The following RASEF variants were observed in gnomAD, a reference collection of about 807,000 sequenced individuals.
RASEF encodes ras and EF-hand domain-containing protein.
Under a neutral mutation model 90.1 loss-of-function variants are expected in RASEF, and 68 were observed. The ratio of observed to expected loss-of-function variants is 0.75; its 90% CI spans 0.62 to 0.92. RASEF has a LOEUF of 0.92. Ranked by LOEUF, RASEF falls within the 40% of genes least tolerant of loss-of-function variation. The pLI is 0.00. For synonymous variants in RASEF, 331 were observed against 345.2 expected, an observed-to-expected ratio of 0.96 and a Z score of 0.46; for missense variants, 949 against 937.2, an observed-to-expected ratio of 1.01 and a Z score of -0.16.
the RASEF span, among the ~76,000 whole-genome samples, chr9:83,083,938 T>C: frequency 5.2e-3 from 790 of 152,328 alleles, 5 homozygotes; most frequent in Non-Finnish European, 7.6e-3. Context: ...ACAAGGATAT[T>C]TATTAGCATG....
chr9:83,007,206 C>A (rs541083452), intron 7 of RASEF, among the ~76,000 whole-genome samples: 1 of 151,930 alleles, frequency 6.6e-6, no homozygotes, highest in South Asian at 2.1e-4. Flanking sequence ...CCTGACTTCC[C>A]AAGATGTTTA....
the RASEF span, among the ~76,000 whole-genome samples, chr9:83,207,125 A>C: frequency 7.2e-5 from 11 of 151,966 alleles, no homozygotes; most frequent in Non-Finnish European, 1.6e-4. Flanking sequence ...CACTGGCCCC[A>C]TGCTCTGGTT....
chr9:82,990,329 A>T, intron 16 of RASEF, 62 bp downstream of exon 16: 1 of 1,107,726 alleles, frequency 9.0e-7, no homozygotes, highest in Non-Finnish European at 1.4e-6. Context: ...CATTATGGAC[A>T]AGAAATGTGT....
chr9:83,140,617 A>C, the RASEF span, among the ~76,000 whole-genome samples: 131 of 152,324 alleles, frequency 8.6e-4, no homozygotes, highest in African/African-American at 3.1e-3. Flanking sequence ...CAAACACCAG[A>C]ACAGAGTCAC....
At chr9:83,151,583 T>C in the RASEF span, among the ~76,000 whole-genome samples, 10 of 152,200 alleles carry the variant, frequency 6.6e-5, no homozygotes, top group Non-Finnish European at 1.5e-4. Context: ...AAATATTATC[T>C]CCATTTTGCA....
chr9:83,015,772 C>T (rs1359753223), intron 4 of RASEF, 33 bp downstream of exon 4: 2 of 1,472,918 alleles, frequency 1.4e-6, no homozygotes, highest in East Asian at 2.3e-5. Context: ...GATGCTGAGG[C>T]TGTTCCTACA....
At chr9:83,049,529 CT>C (rs10687615) in intron 1 of RASEF, among the ~76,000 whole-genome samples, 4,615 of 99,006 alleles carry the variant, frequency 0.047, 97 homozygotes, top group African/African-American at 0.068. Context: ...TTCTGCCTTC[CT>C]TTTTTTTTTT....
chr9:83,142,431 T>G, the RASEF span, among the ~76,000 whole-genome samples: 1 of 152,238 alleles, frequency 6.6e-6, no homozygotes, highest in African/African-American at 2.4e-5. Context: ...ACATGCATTT[T>G]AGATAGTTTG....
At chr9:83,104,872 A>G in the RASEF span, among the ~76,000 whole-genome samples, 1 of 152,232 alleles carries the variant, frequency 6.6e-6, no homozygotes. Context: ...AATACGGGTC[A>G]CATTATTTAG....
rs1196510992 is a variant in RASEF, at chr9:83,004,558, G to T, written c.1142C>A (p.Thr381Lys). 2 of 1,593,042 alleles carry T rather than the reference G, an allele frequency of 1.3e-6. No homozygotes were observed. The highest frequency in any genetic ancestry group is 1.7e-5 in the Admixed American group (1 of 59,976). Reference sequence around the variant, plus strand: ...GAATTTGGGACTGCTTCTAGAAATTGTATTCCCTGGTGAGATATTATTTAT... The same window carrying T: ...GAATTTGGGACTGCTTCTAGAAATTTTATTCCCTGGTGAGATATTATTTAT... Reference protein sequence around the residue: ...LHINNISPGNTISRSSPKFIG... With the variant: ...LHINNISPGNKISRSSPKFIG... The change falls in exon 9 of 17, where the codon ACA becomes AAA. Residue 381 changes from threonine (T) to lysine (K), a missense_variant. Physicochemically the swap from Thr to Lys is moderately conservative, Grantham distance 78. Coordinates refer to ENST00000376447, the MANE Select transcript of RASEF (RefSeq NM_152573.4).
At chr9:83,161,244 G>T in the RASEF span, among the ~76,000 whole-genome samples, 56 of 152,308 alleles carry the variant, frequency 3.7e-4, no homozygotes, top group African/African-American at 1.3e-3. Flanking sequence ...GCCAGCCCAT[G>T]AAAGCAGCCT....
the RASEF span, among the ~76,000 whole-genome samples, chr9:83,098,495 G>T: frequency 6.6e-6 from 1 of 151,956 alleles, no homozygotes; most frequent in Admixed American, 6.6e-5. Context: ...CTACTCTGTT[G>T]ACAGAAAGAT....
chr9:83,171,393 CTGT>C, the RASEF span, among the ~76,000 whole-genome samples: 5 of 151,396 alleles, frequency 3.3e-5, no homozygotes, highest in Non-Finnish European at 5.9e-5. Flanking sequence ...GTTTTCTTTT[CTGT>C]TGTTGTTGTG....
At chr9:83,037,199 T>C (rs1409490357) in intron 1 of RASEF, among the ~76,000 whole-genome samples, 1 of 152,206 alleles carries the variant, frequency 6.6e-6, no homozygotes, top group Non-Finnish European at 1.5e-5. Context: ...ACAGATTATC[T>C]TGTACAAATG....
intron 6 of RASEF, among the ~76,000 whole-genome samples, chr9:83,008,911 T>TATATATAC (rs1829184173): frequency 8.1e-6 from 1 of 123,862 alleles, no homozygotes; most frequent in Non-Finnish European, 1.7e-5. Context: ...TATATATATA[T>TATATATAC]ATATATATAT....
At chr9:83,011,994 A>C (rs936905359) in intron 5 of RASEF, among the ~76,000 whole-genome samples, 1 of 152,188 alleles carries the variant, frequency 6.6e-6, no homozygotes, top group African/African-American at 2.4e-5. Context: ...AAACTAAATA[A>C]AACTCATAAC....
the RASEF span, among the ~76,000 whole-genome samples, chr9:83,157,997 G>T: frequency 1.3e-5 from 2 of 151,966 alleles, no homozygotes; most frequent in African/African-American, 4.8e-5. Flanking sequence ...AACTACAAAA[G>T]GTAGATTTAA....
intron 1 of RASEF, among the ~76,000 whole-genome samples, chr9:83,036,701 GAAC>G (rs1417092380): frequency 6.6e-6 from 1 of 152,034 alleles, no homozygotes; most frequent in African/African-American, 2.4e-5. Context: ...ATGGATGCTG[GAAC>G]AACAACAAAA....
At chr9:83,197,894 G>T in the RASEF span, among the ~76,000 whole-genome samples, 2 of 152,198 alleles carry the variant, frequency 1.3e-5, no homozygotes, top group African/African-American at 4.8e-5. Context: ...GCTGAGCTTG[G>T]TCTTGAAATG....
Sources: allele counts gnomAD v4.1 joint callset (sites outside exome capture counted in the v4.1 genomes callset), GRCh38; gene constraint gnomAD v4.1.1; transcripts MANE v1.5; gene names NCBI Gene and HGNC (gene_info 2026-07-23, HGNC 2026-07-21).